C12orf42: variants seen among roughly 807,000 people sequenced by gnomAD.
C12orf42 encodes the protein chromosome 12 open reading frame 42, also known as uncharacterized protein C12orf42.
A neutral mutation model predicts 21.6 loss-of-function variants in C12orf42; 25 were observed. The observed-to-expected ratio is 1.16, with a 90% confidence interval of 0.84 to 1.62. The LOEUF (loss-of-function observed/expected upper bound fraction) is 1.62, where lower values mean the gene tolerates loss of function less well. Among genes scored for constraint, C12orf42 ranks in the 40% most tolerant of loss-of-function variants. The probability of loss-of-function intolerance (pLI) is 0.00; values close to 1 mark genes in which losing one functional copy is unlikely to be tolerated. For missense variants in C12orf42, 483 were observed against 459.3 expected, an observed-to-expected ratio of 1.05 and a Z score of -0.47; for synonymous variants, 174 against 175.0, an observed-to-expected ratio of 0.99 and a Z score of 0.05.
the C12orf42 span, among the ~76,000 whole-genome samples, chr12:103,149,031 G>A: frequency 1.3e-5 from 2 of 152,102 alleles, no homozygotes; most frequent in African/African-American, 4.8e-5. Context: ...TGAAAATCAA[G>A]TTGTCTTTGT....
In C12orf42 at chr12:103,352,931, G is replaced by A. The variant is rs12307575; in HGVS notation, c.259+15956C>T. On this transcript the variant is annotated intron_variant, in intron 4 of 5. Transcript: ENST00000548883. ...TGAATTAGACATAGACCAACTGGTC[G>A]TGTCCCAAAAAACAGAGAAGTGTGG... Among the ~76,000 whole-genome samples the A allele has an allele frequency of 5.7e-3, 871 of 152,182 alleles. 5 individuals carry two copies. The highest frequency in any genetic ancestry group is 0.018 in the African/African-American group (754 of 41,528).
chr12:103,182,331 A>G, the C12orf42 span, among the ~76,000 whole-genome samples: 1 of 152,308 alleles, frequency 6.6e-6, no homozygotes, highest in African/African-American at 2.4e-5. Flanking sequence ...GTTATCTGGA[A>G]GTTACCAGCT....
At position 103,306,214 on chromosome 12, in the gene C12orf42, G is replaced by A. The variant is rs370514326; in HGVS notation, c.391C>T (p.Pro131Ser). The change falls in exon 5 of 6, where the codon CCA (proline) becomes TCA (serine). Residue 131 changes from proline to serine, a missense_variant. Physicochemically the swap from Pro to Ser is moderately conservative, Grantham distance 74. Coordinates refer to ENST00000548883, the MANE Select transcript of C12orf42 (RefSeq NM_198521.5). The part of the protein sequence containing the change: ...EESYEEFRSS[P>S]APSSETDEAP... ...TCATCAGTTTCACTGGATGGTGCTGGAGAGGAACGGAATTCTTCATAGCTT... is the reference window on the plus strand; with the variant it reads ...TCATCAGTTTCACTGGATGGTGCTGAAGAGGAACGGAATTCTTCATAGCTT... 4 of 1,613,816 alleles carry A rather than the reference G, an allele frequency of 2.5e-6. No homozygotes were observed. Among genetic ancestry groups the A allele is most frequent in the African/African-American group, 2.7e-5 (2 of 74,924 alleles).
At chr12:103,533,791 T>C in the C12orf42 span, among the ~76,000 whole-genome samples, 1 of 152,206 alleles carries the variant, frequency 6.6e-6, no homozygotes, top group South Asian at 2.1e-4. Flanking sequence ...TATATGCTAT[T>C]CTCCTTCTTT....
chr12:103,165,315 CCTCT>C, the C12orf42 span, among the ~76,000 whole-genome samples: 1 of 152,138 alleles, frequency 6.6e-6, no homozygotes, highest in African/African-American at 2.4e-5. Flanking sequence ...AAAGACAGGC[CCTCT>C]CTTTGTTCTC....
chr12:103,526,269 C>T, the C12orf42 span, among the ~76,000 whole-genome samples: 2 of 152,056 alleles, frequency 1.3e-5, no homozygotes, highest in Non-Finnish European at 2.9e-5. Flanking sequence ...GCATTATTTG[C>T]TTTTTCTAAG....
At chr12:103,507,976 G>C in the C12orf42 span, among the ~76,000 whole-genome samples, 1 of 152,132 alleles carries the variant, frequency 6.6e-6, no homozygotes, top group Non-Finnish European at 1.5e-5. Flanking sequence ...GAAGTGAGAG[G>C]GCTGGGCATT....
At chr12:103,373,667 G>A (rs1384061546) in intron 3 of C12orf42, among the ~76,000 whole-genome samples, 1 of 152,198 alleles carries the variant, frequency 6.6e-6, no homozygotes, top group Non-Finnish European at 1.5e-5. Flanking sequence ...CATGAAAAAT[G>A]TACCACCACT....
At chr12:103,309,873 T>C (rs1240647435) in intron 4 of C12orf42, among the ~76,000 whole-genome samples, 1 of 152,070 alleles carries the variant, frequency 6.6e-6, no homozygotes, top group Non-Finnish European at 1.5e-5. Flanking sequence ...TGTCCGAGAG[T>C]GGAGACCAAA....
the C12orf42 span, among the ~76,000 whole-genome samples, chr12:103,228,313 G>A: frequency 2.0e-5 from 3 of 151,982 alleles, no homozygotes; most frequent in African/African-American, 7.2e-5. Flanking sequence ...GGGGTCGCAA[G>A]GTGCTCAGTG....
At chr12:103,531,557 G>A in the C12orf42 span, among the ~76,000 whole-genome samples, 1 of 152,176 alleles carries the variant, frequency 6.6e-6, no homozygotes, top group African/African-American at 2.4e-5. Flanking sequence ...GAGATCACTG[G>A]ATTTCCTCCC....
the C12orf42 span, among the ~76,000 whole-genome samples, chr12:103,541,844 C>G: frequency 6.6e-6 from 1 of 151,904 alleles, no homozygotes; most frequent in East Asian, 1.9e-4. Flanking sequence ...AAGTTATTGA[C>G]TTTGAAACAA....
At chr12:103,331,780 G>C (rs979863602) in intron 4 of C12orf42, among the ~76,000 whole-genome samples, 1 of 152,162 alleles carries the variant, frequency 6.6e-6, no homozygotes, top group Non-Finnish European at 1.5e-5. Context: ...CATTGGCAAG[G>C]TTGTCAGCAG....
chr12:103,154,048 A>AAG, the C12orf42 span, among the ~76,000 whole-genome samples: 1 of 149,140 alleles, frequency 6.7e-6, no homozygotes, highest in African/African-American at 2.5e-5. Context: ...AAAAAAAAAA[A>AAG]AAGAATGTGG....
chr12:103,156,554 T>A, the C12orf42 span, among the ~76,000 whole-genome samples: 1 of 152,096 alleles, frequency 6.6e-6, no homozygotes, highest in Non-Finnish European at 1.5e-5. Context: ...AACATGCAGG[T>A]TTGTTACATA....
the C12orf42 span, among the ~76,000 whole-genome samples, chr12:103,106,299 A>G: frequency 2.0e-5 from 3 of 152,122 alleles, no homozygotes; most frequent in Non-Finnish European, 4.4e-5. Flanking sequence ...CATTGAAAAA[A>G]ATTACTAAAT....
At chr12:103,560,151 AT>A in the C12orf42 span, among the ~76,000 whole-genome samples, 32 of 152,372 alleles carry the variant, frequency 2.1e-4, no homozygotes, top group African/African-American at 7.2e-4. Flanking sequence ...TATACTGGTC[AT>A]TAATGTCCCC....
At chr12:103,342,147 G>A (rs2042222200) in intron 4 of C12orf42, among the ~76,000 whole-genome samples, 2 of 152,094 alleles carry the variant, frequency 1.3e-5, no homozygotes, top group East Asian at 1.9e-4. Flanking sequence ...CTATGTAGTG[G>A]GGTGCAAGGG....
At chr12:103,358,327 T>C (rs2043769250) in intron 4 of C12orf42, among the ~76,000 whole-genome samples, 1 of 152,134 alleles carries the variant, frequency 6.6e-6, no homozygotes, top group African/African-American at 2.4e-5. Context: ...TGTGGCATTT[T>C]ACTTAATCAA....
Sources: gnomAD v4.1 joint callset for allele counts (sites outside exome capture counted in the v4.1 genomes callset) on GRCh38, gnomAD v4.1.1 for gene constraint, MANE v1.5 for transcripts, NCBI Gene and HGNC (gene_info 2026-07-23, HGNC 2026-07-21) for gene names.